The following GDPD5 variants were observed in gnomAD, a reference collection of about 807,000 sequenced individuals.
GDPD5 encodes the protein glycerophosphodiester phosphodiesterase domain containing 5.
GDPD5 carries 48 observed loss-of-function variants against 75.1 expected under a neutral mutation model. That is an observed-to-expected ratio of 0.64 (90% CI 0.51 to 0.81). The LOEUF (loss-of-function observed/expected upper bound fraction) is 0.81, where lower values mean the gene tolerates loss of function less well. Ranked by LOEUF, GDPD5 falls within the 40% of genes least tolerant of loss-of-function variation. The pLI, the probability that GDPD5 is intolerant of heterozygous loss-of-function variation, is 0.00. For synonymous variants in GDPD5, 336 were observed against 339.0 expected, an observed-to-expected ratio of 0.99 and a Z score of 0.10; for missense variants, 706 against 822.6, an observed-to-expected ratio of 0.86 and a Z score of 1.73.
intron 6 of GDPD5, among the ~76,000 whole-genome samples, chr11:75,456,340 G>C (rs547845730): frequency 6.6e-6 from 1 of 152,292 alleles, no homozygotes; most frequent in South Asian, 2.1e-4. Flanking sequence ...TTTCAAAAGA[G>C]CTCACCAAAG....
chr11:75,435,232 GC>G lies in GDPD5; in HGVS notation c.*274del, dbSNP rs1948594122. On this transcript the variant is annotated 3_prime_UTR_variant, in exon 17 of 17. Coordinates refer to ENST00000336898, the MANE Select transcript of GDPD5 (RefSeq NM_030792.8). Reference sequence around the variant, plus strand: ...CTTCCAGGTCGGGATACAGGAGAGGGCCTCAGAAGAGGGGGACCAAGCCCTA... The same window carrying G: ...CTTCCAGGTCGGGATACAGGAGAGGGCTCAGAAGAGGGGGACCAAGCCCTA... The G allele has an allele frequency of 2.8e-6, 1 of 363,076 alleles. No individual in the cohort carries two copies. Among genetic ancestry groups the G allele is most frequent in the South Asian group, 7.1e-5 (1 of 14,090 alleles). 22.5% of individuals were successfully genotyped at this position (363,076 alleles called of 1,614,324 possible).
chr11:75,443,318 A>AC (rs761355473), intron 10 of GDPD5, 32 bp from the exon 11 acceptor site: 15 of 1,579,746 alleles, frequency 9.5e-6, no homozygotes, highest in East Asian at 2.3e-5. Flanking sequence ...CGAGTCAGTG[A>AC]CCCCCCAGAT....
chr11:75,509,905 C>A (rs188844009), intron 1 of GDPD5, among the ~76,000 whole-genome samples: 1 of 152,202 alleles, frequency 6.6e-6, no homozygotes, highest in Non-Finnish European at 1.5e-5. Flanking sequence ...GTCTCGAACT[C>A]CTGACCTCAA....
chr11:75,503,778 G>C (rs972415198), intron 1 of GDPD5, among the ~76,000 whole-genome samples: 10 of 152,228 alleles, frequency 6.6e-5, no homozygotes, highest in African/African-American at 2.2e-4. Context: ...ACAGCCCTGG[G>C]GAAAGTCAGG....
chr11:75,469,799 T>C (rs899399892), intron 3 of GDPD5, among the ~76,000 whole-genome samples: 3 of 152,242 alleles, frequency 2.0e-5, no homozygotes, highest in Admixed American at 6.5e-5. Flanking sequence ...ATTCAACTTA[T>C]GGTGTTGGGA....
intron 3 of GDPD5, among the ~76,000 whole-genome samples, chr11:75,468,618 C>T (rs1341491335): frequency 1.3e-5 from 2 of 152,212 alleles, no homozygotes; most frequent in African/African-American, 4.8e-5. Flanking sequence ...CTAAAACCTC[C>T]CATGCACGGC....
At chr11:75,467,125 C>T (rs1305307868) in intron 3 of GDPD5, among the ~76,000 whole-genome samples, 1 of 152,194 alleles carries the variant, frequency 6.6e-6, no homozygotes, top group Non-Finnish European at 1.5e-5. Flanking sequence ...TCTTGGCACC[C>T]ACCACTGTGA....
intron 2 of GDPD5, among the ~76,000 whole-genome samples, chr11:75,478,796 C>A (rs150144103): frequency 2.0e-5 from 3 of 152,276 alleles, no homozygotes; most frequent in African/African-American, 7.2e-5. Context: ...TTCATTGTTC[C>A]ATCTCATCAG....
intron 1 of GDPD5, among the ~76,000 whole-genome samples, chr11:75,519,917 C>T (rs1184052088): frequency 5.3e-5 from 8 of 152,234 alleles, no homozygotes; most frequent in Non-Finnish European, 1.0e-4. Context: ...GAAGAACTCA[C>T]ACTCTCTGCC....
intron 1 of GDPD5, among the ~76,000 whole-genome samples, chr11:75,524,065 C>G (rs1460034348): frequency 6.6e-6 from 1 of 152,242 alleles, no homozygotes; most frequent in African/African-American, 2.4e-5. Context: ...TCCCTACATG[C>G]CTTGGGGGCA....
At chr11:75,456,391 G>A (rs994425423) in intron 6 of GDPD5, among the ~76,000 whole-genome samples, 23 of 152,316 alleles carry the variant, frequency 1.5e-4, no homozygotes, top group African/African-American at 5.1e-4. Context: ...GCCCCCAGAG[G>A]GTGGGTGCCA....
chr11:75,447,920 C>A (rs778565287), intron 9 of GDPD5, among the ~76,000 whole-genome samples: 12 of 152,234 alleles, frequency 7.9e-5, no homozygotes, highest in Non-Finnish European at 1.3e-4. Context: ...CAGATCCCCA[C>A]TGGCTGCCTC....
chr11:75,457,815 G>C, intron 4 of GDPD5, 29 bp from the exon 5 acceptor site: 1 of 1,563,684 alleles, frequency 6.4e-7, no homozygotes, highest in Non-Finnish European at 8.8e-7. Context: ...GCAGGGGTCA[G>C]ACCTCCACCA....
intron 1 of GDPD5, among the ~76,000 whole-genome samples, chr11:75,524,665 G>C (rs912007710): frequency 6.6e-6 from 1 of 152,180 alleles, no homozygotes; most frequent in African/African-American, 2.4e-5. Context: ...AGAGACCCTG[G>C]AGTCTGACAC....
rs1057000802 is a variant in GDPD5 at position 75,491,330 on chromosome 11, GC to G, written c.-144-1011del. ...TTTATTAAACATACTTATTTCCTCT[GC>G]CCCCTACAATGATCCTAAGGCCTAA... On this transcript the variant is annotated intron_variant, in intron 1 of 16. Coordinates refer to ENST00000336898, the MANE Select transcript of GDPD5 (RefSeq NM_030792.8). 7.2e-5 allele frequency among the ~76,000 whole-genome samples: 11 copies of G among 152,162 alleles called. 1 individual carries two copies. Among genetic ancestry groups the G allele is most frequent in the Admixed American group, 2.0e-4 (3 of 15,288 alleles).
At chr11:75,495,083 T>A (rs1323375863) in intron 1 of GDPD5, among the ~76,000 whole-genome samples, 1 of 151,920 alleles carries the variant, frequency 6.6e-6, no homozygotes, top group African/African-American at 2.4e-5. Flanking sequence ...CTGGCTAACA[T>A]GATGAAACCC....
intron 10 of GDPD5, among the ~76,000 whole-genome samples, chr11:75,443,943 C>T (rs1948907956): frequency 6.6e-6 from 1 of 152,240 alleles, no homozygotes; most frequent in African/African-American, 2.4e-5. Flanking sequence ...GCAACCTGTA[C>T]AACTATATAT....
At chr11:75,443,012 G>A in intron 11 of GDPD5, 124 bp downstream of exon 11, 2 of 1,125,702 alleles carry the variant, frequency 1.8e-6, no homozygotes, top group Admixed American at 2.0e-5. Context: ...AGCAGCTTGG[G>A]TGGAGGTCGC....
intron 9 of GDPD5, 79 bp downstream of exon 9, chr11:75,448,898 A>G: frequency 6.9e-7 from 1 of 1,443,342 alleles, no homozygotes; most frequent in Non-Finnish European, 9.2e-7. Context: ...CTACCATTAC[A>G]TATATCCATT....
Sources: gnomAD v4.1 joint callset for allele counts (sites outside exome capture counted in the v4.1 genomes callset) on GRCh38, gnomAD v4.1.1 for gene constraint, MANE v1.5 for transcripts, NCBI Gene and HGNC (gene_info 2026-07-23, HGNC 2026-07-21) for gene names.